The following ASCC3 variants were observed in gnomAD, a reference collection of about 807,000 sequenced individuals.
ASCC3 encodes ASC-1 complex subunit P200.
ASCC3 carries 158 observed loss-of-function variants against 256.3 expected under a neutral mutation model. That is an observed-to-expected ratio of 0.62 (90% CI 0.54 to 0.70). ASCC3 has a LOEUF of 0.70. ASCC3 is among the 30% of genes least tolerant of loss of function. The probability of loss-of-function intolerance (pLI) is 0.00; values close to 1 mark genes in which losing one functional copy is unlikely to be tolerated. For missense variants in ASCC3, 2,259 were observed against 2,626.0 expected (o/e 0.86, Z 3.05); for synonymous variants, 948 against 883.4 (o/e 1.07, Z -1.30).
intron 36 of ASCC3, among the ~76,000 whole-genome samples, chr6:100,548,504 T>C (rs1394841833): frequency 6.6e-6 from 1 of 151,942 alleles, no homozygotes; most frequent in African/African-American, 2.4e-5. Flanking sequence ...ATTTAATAAA[T>C]ATTTTTGAGT....
At chr6:100,676,965 G>A (rs1383807407) in intron 14 of ASCC3, among the ~76,000 whole-genome samples, 1 of 152,128 alleles carries the variant, frequency 6.6e-6, no homozygotes, top group East Asian at 1.9e-4. Context: ...TGTAACAGAA[G>A]GCATGAGGCT....
At chr6:100,856,684 G>A (rs1425672266) in intron 3 of ASCC3, 1 of 152,286 alleles carries the variant, frequency 6.6e-6, no homozygotes, top group African/African-American at 2.4e-5. Flanking sequence ...TAAAACCAGA[G>A]ACTGGTCATG....
chr6:100,578,293 G>T (rs1013796197), intron 36 of ASCC3, among the ~76,000 whole-genome samples: 5 of 152,134 alleles, frequency 3.3e-5, no homozygotes, highest in East Asian at 1.9e-4. Context: ...AGGTTCAGGG[G>T]TACATGACCA....
chr6:100,672,906 T>C (rs899027384), intron 14 of ASCC3, among the ~76,000 whole-genome samples: 30 of 152,106 alleles, frequency 2.0e-4, no homozygotes, highest in African/African-American at 7.2e-4. Context: ...AAATGACTGG[T>C]AACCAGCTTA....
chr6:100,772,080 A>G (rs1781963780), intron 8 of ASCC3, among the ~76,000 whole-genome samples: 1 of 151,878 alleles, frequency 6.6e-6, no homozygotes, highest in African/African-American at 2.4e-5. Flanking sequence ...ATAGGGTTTC[A>G]CCATGTTAGC....
intron 3 of ASCC3, among the ~76,000 whole-genome samples, chr6:100,850,515 T>C (rs1772612682): frequency 6.6e-6 from 1 of 152,208 alleles, no homozygotes; most frequent in African/African-American, 2.4e-5. Context: ...GATTAGTTGA[T>C]TTAAACTAGA....
intron 13 of ASCC3, among the ~76,000 whole-genome samples, chr6:100,697,438 A>G (rs1778147829): frequency 6.6e-6 from 1 of 152,014 alleles, no homozygotes; most frequent in Admixed American, 6.6e-5. Flanking sequence ...GATAATGCTA[A>G]TACATAATAG....
chr6:100,655,897 G>A, intron 16 of ASCC3, 79 bp from the exon 17 acceptor site: 4 of 1,532,030 alleles, frequency 2.6e-6, no homozygotes, highest in Non-Finnish European at 2.7e-6. Context: ...TCTGTCAGAG[G>A]TGAAGTTTTA....
chr6:100,560,066 A>G (rs747030761), intron 36 of ASCC3, among the ~76,000 whole-genome samples: 5 of 152,206 alleles, frequency 3.3e-5, no homozygotes, highest in African/African-American at 4.8e-5. Context: ...ACACCTGTCA[A>G]TCAAATAGCT....
intron 24 of ASCC3, among the ~76,000 whole-genome samples, chr6:100,641,977 C>G (rs1321956875): frequency 7.0e-6 from 1 of 143,460 alleles, no homozygotes; most frequent in Admixed American, 7.5e-5. Context: ...AACACATGGA[C>G]ACAGGAAGGG....
intron 36 of ASCC3, among the ~76,000 whole-genome samples, chr6:100,561,850 A>G (rs917586435): frequency 3.3e-5 from 5 of 152,148 alleles, no homozygotes; most frequent in African/African-American, 1.2e-4. Flanking sequence ...ACCTAAATCT[A>G]AAAGTTGAAG....
chr6:100,510,075 T>A lies in ASCC3; in HGVS notation c.6318A>T (p.Arg2106=), dbSNP rs780824286. The part of the protein sequence containing the change: ...GKPESCAVTP[R]FPKSKDEGWF... ...ATCCTTCGTCTTTTGATTTGGGAAA[T>A]CGAGGAGTAACTGCACAGCTCTCTG... Residue 2106 remains arginine (R), a synonymous_variant, in exon 41 of 42, where the codon CGA becomes CGT. Transcript: ENST00000369162. The A allele has an allele frequency of 1.9e-6, 3 of 1,614,044 alleles. No homozygotes were observed. Among genetic ancestry groups the A allele is most frequent in the Non-Finnish European group, 2.5e-6 (3 of 1,180,034 alleles).
At chr6:100,515,265 T>A (rs1773966405) in intron 39 of ASCC3, among the ~76,000 whole-genome samples, 1 of 152,188 alleles carries the variant, frequency 6.6e-6, no homozygotes. Flanking sequence ...AAGGTAGGCA[T>A]TTATTATGAA....
chr6:100,878,484 AT>A (rs1032430152), intron 1 of ASCC3, among the ~76,000 whole-genome samples: 18 of 152,338 alleles, frequency 1.2e-4, no homozygotes, highest in African/African-American at 4.3e-4. Flanking sequence ...ATAAAAAAAA[AT>A]ATTTTAACAC....
At chr6:100,736,162 CT>C (rs34589212) in intron 10 of ASCC3, among the ~76,000 whole-genome samples, 73,378 of 151,950 alleles carry the variant, frequency 0.48, 17,728 homozygotes, top group South Asian at 0.68. Context: ...GATAACTATT[CT>C]TGTCTAATGA....
chr6:100,786,427 G>C (rs1769085707), intron 8 of ASCC3, among the ~76,000 whole-genome samples: 1 of 152,022 alleles, frequency 6.6e-6, no homozygotes, highest in Non-Finnish European at 1.5e-5. Context: ...AATCAGTTTG[G>C]AAAGTTTAAA....
chr6:100,512,115 G>T (rs1338522878), intron 40 of ASCC3, among the ~76,000 whole-genome samples: 1 of 152,120 alleles, frequency 6.6e-6, no homozygotes, highest in Non-Finnish European at 1.5e-5. Flanking sequence ...GTACATTTTT[G>T]CCTGTATGAA....
intron 14 of ASCC3, among the ~76,000 whole-genome samples, chr6:100,675,782 C>CATA (rs1288118839): frequency 6.6e-6 from 1 of 152,032 alleles, no homozygotes; most frequent in Admixed American, 6.6e-5. Context: ...ACATCAGGGC[C>CATA]ATAAATCAGA....
intron 36 of ASCC3, among the ~76,000 whole-genome samples, chr6:100,569,995 C>T (rs780385809): frequency 1.3e-5 from 2 of 152,104 alleles, no homozygotes; most frequent in Non-Finnish European, 2.9e-5. Context: ...AGAGTTCTTT[C>T]ACCCCCTTGG....
Sources: allele counts gnomAD v4.1 joint callset (sites outside exome capture counted in the v4.1 genomes callset), GRCh38; gene constraint gnomAD v4.1.1; transcripts MANE v1.5; gene names NCBI Gene and HGNC (gene_info 2026-07-23, HGNC 2026-07-21).